SLC8A3: variants seen among roughly 807,000 people sequenced by gnomAD.
SLC8A3 encodes the protein solute carrier family 8 member A3.
In SLC8A3, 37 loss-of-function variants were observed where a neutral mutation model predicts 65.4. The ratio of observed to expected loss-of-function variants is 0.57; its 90% confidence interval spans 0.44 to 0.74. The LOEUF (loss-of-function observed/expected upper bound fraction) is 0.74, where lower values mean the gene tolerates loss of function less well. SLC8A3 is among the 30% of genes least tolerant of loss of function. SLC8A3 has a pLI of 0.00. For synonymous variants in SLC8A3, 461 were observed against 444.5 expected, an observed-to-expected ratio of 1.04 and a Z score of -0.47; for missense variants, 1,112 against 1,172.1, an observed-to-expected ratio of 0.95 and a Z score of 0.75.
chr14:70,086,282 C>T (rs1231899780), intron 2 of SLC8A3, among the ~76,000 whole-genome samples: 1 of 152,086 alleles, frequency 6.6e-6, no homozygotes, highest in South Asian at 2.1e-4. Flanking sequence ...CACAGAGAAG[C>T]GAGATGAAAC....
intron 1 of SLC8A3, among the ~76,000 whole-genome samples, chr14:70,169,075 A>T (rs61978184): frequency 0.15 from 23,061 of 152,016 alleles, 1,845 homozygotes; most frequent in Middle Eastern, 0.18. Flanking sequence ...TTCTCAATCG[A>T]TTTTGAAATG....
At chr14:70,152,662 G>T (rs547744174) in intron 2 of SLC8A3, among the ~76,000 whole-genome samples, 1 of 152,184 alleles carries the variant, frequency 6.6e-6, no homozygotes, top group Non-Finnish European at 1.5e-5. Flanking sequence ...GATCTGTATG[G>T]CAAAGAGCAG....
intron 3 of SLC8A3, among the ~76,000 whole-genome samples, chr14:70,054,059 C>T (rs1162179544): frequency 2.0e-5 from 3 of 152,078 alleles, no homozygotes; most frequent in African/African-American, 7.2e-5. Flanking sequence ...GATATTCAGA[C>T]TGACTAAATA....
chr14:70,167,342 T>C lies in SLC8A3; in HGVS notation c.1081A>G (p.Met361Val). Residue 361 changes from methionine to valine, a missense_variant, in exon 2 of 7, where the codon ATG becomes GTG. Met to Val is a conservative substitution (Grantham distance 21, BLOSUM62 1). Transcript: ENST00000356921. ...RAFYRIQATRMMTGAGNILKK... is the reference protein window; with the variant it reads ...RAFYRIQATRVMTGAGNILKK... ...AGGATATTGCCTGCACCAGTCATCA[T>C]ACGAGTGGCTTGGATACGGTAGAAG... The C allele has an allele frequency of 6.2e-7, 1 of 1,614,230 alleles. No homozygotes were observed. The highest frequency in any genetic ancestry group is 8.5e-7 in the Non-Finnish European group (1 of 1,180,040).
chr14:70,151,265 A>G (rs75959589), intron 2 of SLC8A3, among the ~76,000 whole-genome samples: 2 of 152,084 alleles, frequency 1.3e-5, no homozygotes, highest in African/African-American at 4.8e-5. Context: ...AAAAAAGAAA[A>G]AAAAAAAAAA....
intron 2 of SLC8A3, among the ~76,000 whole-genome samples, chr14:70,097,945 T>C (rs184326505): frequency 4.7e-4 from 72 of 152,218 alleles, no homozygotes; most frequent in South Asian, 4.1e-4. Flanking sequence ...TCTTTGAACA[T>C]AAACCTCCAA....
At chr14:70,058,509 C>A (rs1166493874) in intron 3 of SLC8A3, among the ~76,000 whole-genome samples, 3 of 152,168 alleles carry the variant, frequency 2.0e-5, no homozygotes, top group African/African-American at 7.2e-5. Context: ...TCTGGGGGCA[C>A]ACCACACAGA....
Position 70,085,815 on chromosome 14 carries a change from A to G in SLC8A3, c.1785-24876T>C, listed in dbSNP as rs75283128. On this transcript the variant is annotated intron_variant, in intron 2 of 6. Transcript: ENST00000356921. Reference sequence around the variant, plus strand: ...TGTCATTTAATATGCTCCAGGCACTACTATGTGTGCTTTATATGTATTAAC... The same window carrying G: ...TGTCATTTAATATGCTCCAGGCACTGCTATGTGTGCTTTATATGTATTAAC... Among the ~76,000 whole-genome samples the G allele has an allele frequency of 4.8e-3, 733 of 152,296 alleles. 6 individuals carry two copies. Among genetic ancestry groups the G allele is most frequent in the African/African-American group, 0.017 (692 of 41,566 alleles).
In SLC8A3 at chr14:70,108,816, G is replaced by A. The variant is rs117544838; in HGVS notation, c.1785-47877C>T. ...TTCTAAACTACTTCCCTGCCTCTCC[G>A]CCCTAGCCACAGTCCTGCTACACTA... On this transcript the variant is annotated intron_variant, in intron 2 of 6. Coordinates refer to ENST00000356921, the MANE Select transcript of SLC8A3 (RefSeq NM_182932.3). Among the ~76,000 whole-genome samples the A allele has an allele frequency of 3.6e-3, 550 of 152,034 alleles. 5 individuals are homozygous for A. Among genetic ancestry groups the A allele is most frequent in the African/African-American group, 0.012 (505 of 41,446 alleles).
At chr14:70,066,109 C>T (rs1260440419) in intron 2 of SLC8A3, among the ~76,000 whole-genome samples, 1 of 152,140 alleles carries the variant, frequency 6.6e-6, no homozygotes, top group Non-Finnish European at 1.5e-5. Flanking sequence ...CTTAGGTTAG[C>T]CAGCCAGAAC....
intron 2 of SLC8A3, among the ~76,000 whole-genome samples, chr14:70,097,091 T>C (rs1488681702): frequency 1.3e-5 from 2 of 151,896 alleles, no homozygotes; most frequent in Non-Finnish European, 2.9e-5. Context: ...TGCCTGACAG[T>C]GTGAAGGCAG....
intron 2 of SLC8A3, among the ~76,000 whole-genome samples, chr14:70,164,162 T>C (rs558560236): frequency 6.6e-6 from 1 of 152,178 alleles, no homozygotes; most frequent in Non-Finnish European, 1.5e-5. Flanking sequence ...AGAGATATTA[T>C]TATCCCCATT....
intron 2 of SLC8A3, among the ~76,000 whole-genome samples, chr14:70,104,575 T>C (rs867835467): frequency 1.9e-4 from 29 of 152,276 alleles, no homozygotes; most frequent in African/African-American, 7.0e-4. Flanking sequence ...TCTTAATACA[T>C]TTCAAAAGGC....
intron 2 of SLC8A3, among the ~76,000 whole-genome samples, chr14:70,083,265 A>T (rs1013558024): frequency 2.6e-5 from 4 of 152,150 alleles, no homozygotes; most frequent in Non-Finnish European, 5.9e-5. Flanking sequence ...AGCTCTTTAC[A>T]GTGGACAAAA....
chr14:70,063,965 T>C (rs752788184), intron 2 of SLC8A3: 11 of 1,192,196 alleles, frequency 9.2e-6, no homozygotes, highest in Admixed American at 8.6e-5. Flanking sequence ...AAGCAAGGAG[T>C]AGAGTGTAGG....
In SLC8A3 at chr14:70,044,387, C is replaced by CGA. The variant is rs1566723226; in HGVS notation, c.*1559_*1560insTC. The CGA allele has an allele frequency of 7.2e-6, 1 of 139,460 alleles. No homozygotes were observed. Among genetic ancestry groups the CGA allele is most frequent in the Non-Finnish European group, 1.6e-5 (1 of 64,412 alleles). The allele number at this position is 139,460 out of a possible 1,614,324, so 8.6% of individuals were successfully genotyped here. A position where few individuals can be genotyped will look rare whatever the true frequency, so the allele number is the denominator to read the frequency against. ...TGTTTTTTAATTTCTTCCCCCCCCC[C>CGA]CTTAGAAAATGTATTTATGTCAATG... On this transcript the variant is annotated 3_prime_UTR_variant, in exon 7 of 7. Coordinates refer to ENST00000356921, the MANE Select transcript of SLC8A3 (RefSeq NM_182932.3).
chr14:70,092,544 G>A (rs1891876429), intron 2 of SLC8A3, among the ~76,000 whole-genome samples: 1 of 152,158 alleles, frequency 6.6e-6, no homozygotes, highest in Non-Finnish European at 1.5e-5. Flanking sequence ...CTGGTTTGGG[G>A]TATATTCATG....
At position 70,048,971 on chromosome 14, in the gene SLC8A3, G is replaced by T; in HGVS notation, c.2185C>A (p.Leu729Met). Reference sequence around the variant, plus strand: ...AACAGCACCTTCCAGAAGACAGTCAGGAAGTGCATGACGTAGTCAAAGCAG... The same window carrying T: ...AACAGCACCTTCCAGAAGACAGTCATGAAGTGCATGACGTAGTCAAAGCAG... ...PSCFDYVMHF[L>M]TVFWKVLFAC... Residue 729 changes from leucine (L) to methionine (M), a missense_variant, in exon 6 of 7, where the codon CTG becomes ATG. Coordinates refer to ENST00000356921, the MANE Select transcript of SLC8A3 (RefSeq NM_182932.3). The T allele has an allele frequency of 6.2e-7, 1 of 1,614,236 alleles. No homozygotes were observed. Among genetic ancestry groups the T allele is most frequent in the Non-Finnish European group, 8.5e-7 (1 of 1,180,026 alleles).
chr14:70,178,264 AGTG>A (rs1882410315), intron 1 of SLC8A3, among the ~76,000 whole-genome samples: 1 of 152,224 alleles, frequency 6.6e-6, no homozygotes, highest in South Asian at 2.1e-4. Flanking sequence ...AAGGCCTTAG[AGTG>A]TTCCTCAGTC....
Sources: gnomAD v4.1 joint callset for allele counts (sites outside exome capture counted in the v4.1 genomes callset) on GRCh38, gnomAD v4.1.1 for gene constraint, MANE v1.5 for transcripts, NCBI Gene and HGNC (gene_info 2026-07-23, HGNC 2026-07-21) for gene names.